Variants in CD300LF observed in about 807,000 individuals in gnomAD.
The protein encoded by CD300LF is CD300 molecule like family member f.
CD300LF carries 27 observed loss-of-function variants against 32.2 expected under a neutral mutation model. That is an observed-to-expected ratio of 0.84 (90% CI 0.62 to 1.15). The LOEUF is 1.15. CD300LF is among the 50% of genes most tolerant of loss of function. CD300LF has a pLI of 0.00. For synonymous variants in CD300LF, 139 were observed against 143.2 expected (o/e 0.97, Z 0.21); for missense variants, 348 against 356.8 (o/e 0.98, Z 0.20).
intron 1 of CD300LF, among the ~76,000 whole-genome samples, chr17:74,709,508 T>C (rs531989216): frequency 5.3e-5 from 8 of 152,316 alleles, no homozygotes; most frequent in African/African-American, 1.4e-4. Flanking sequence ...TTTTTGTACA[T>C]TTTATTTTCC....
rs952605670 is a variant in CD300LF, at chr17:74,712,845, G to A, written c.22C>T (p.Leu8=). 1.9e-6 allele frequency: 3 copies of A among 1,614,076 alleles called. No individual in the cohort carries two copies. Among genetic ancestry groups the A allele is most frequent in the Non-Finnish European group, 2.5e-6 (3 of 1,179,980 alleles). ...TCACCTGAGAGCCAGAAGAGGAGCA[G>A]GTAGAGTGTCAGCAGGGGCATCTTC... MPLLTLY[L]LLFWLSGYSI... Residue 8 remains leucine, a synonymous_variant, in exon 1 of 7, where the codon CTG becomes TTG. Coordinates refer to ENST00000326165, the MANE Select transcript of CD300LF (RefSeq NM_139018.5).
At chr17:74,696,652 G>A (rs189561361) in intron 4 of CD300LF, among the ~76,000 whole-genome samples, 176 of 152,220 alleles carry the variant, frequency 1.2e-3, no homozygotes, top group African/African-American at 3.8e-3. Flanking sequence ...TCCCCCTCCC[G>A]GGCCCCCGGG....
chr17:74,698,511 C>CCA, intron 3 of CD300LF, 30 bp from the exon 4 acceptor site: 2 of 1,589,322 alleles, frequency 1.3e-6, no homozygotes, highest in Non-Finnish European at 1.7e-6. Context: ...TCCCCTGCAT[C>CCA]CCAGGCTCAC....
At chr17:74,696,299 T>C (rs1357398040) in intron 4 of CD300LF, 82 bp from the exon 5 acceptor site, 2 of 1,459,284 alleles carry the variant, frequency 1.4e-6, no homozygotes, top group Non-Finnish European at 1.8e-6. Flanking sequence ...AAGAGAAATA[T>C]GGAAGAAAAG....
At position 74,709,438 on chromosome 17, in the gene CD300LF, G is replaced by A. The variant is rs1050012835; in HGVS notation, c.43+3386C>T. Among the ~76,000 whole-genome samples, 8 of 152,288 alleles carry A rather than the reference G, an allele frequency of 5.3e-5. No homozygotes were observed. The East Asian group carries it at 7.7e-4, about 15-fold the overall frequency. ...CCTCAGCAAGCACCACACTTAGTGC[G>A]AGACATTCATATGTACTTTATAATA... is the stretch of plus-strand genomic sequence containing the variant. On this transcript the variant is annotated intron_variant, in intron 1 of 6. Coordinates refer to ENST00000326165, the MANE Select transcript of CD300LF (RefSeq NM_139018.5).
At chr17:74,704,239 G>T (rs780104745) in intron 2 of CD300LF, 14 of 523,428 alleles carry the variant, frequency 2.7e-5, no homozygotes, top group Non-Finnish European at 4.8e-5. Context: ...ACTGAGCTGT[G>T]CAGAGGTAAA....
chr17:74,701,509 G>T (rs576885872), intron 3 of CD300LF, among the ~76,000 whole-genome samples: 27 of 152,266 alleles, frequency 1.8e-4, no homozygotes, highest in African/African-American at 6.5e-4. Flanking sequence ...AAAGCAGTTT[G>T]GTAGAAAATA....
intron 1 of CD300LF, among the ~76,000 whole-genome samples, chr17:74,706,669 AAAAACAAAAC>A (rs905552893): frequency 2.6e-5 from 4 of 152,282 alleles, no homozygotes; most frequent in African/African-American, 9.6e-5. Context: ...ACTCCATCTC[AAAAACAAAAC>A]AAAACAAAAC....
chr17:74,696,320 G>A, intron 4 of CD300LF, 103 bp from the exon 5 acceptor site: 3 of 1,279,430 alleles, frequency 2.3e-6, no homozygotes, highest in Non-Finnish European at 3.2e-6. Context: ...AGGTGAATTG[G>A]GTCCAGGCTC....
At chr17:74,710,488 C>CA (rs2033866726) in intron 1 of CD300LF, among the ~76,000 whole-genome samples, 1 of 152,106 alleles carries the variant, frequency 6.6e-6, no homozygotes, top group Non-Finnish European at 1.5e-5. Flanking sequence ...TAGAAAAGTG[C>CA]TCATTTACAT....
chr17:74,712,020 T>TCAGCCTC (rs1306066686), intron 1 of CD300LF, among the ~76,000 whole-genome samples: 3 of 150,698 alleles, frequency 2.0e-5, no homozygotes, highest in Non-Finnish European at 4.4e-5. Flanking sequence ...TCCTCATGCC[T>TCAGCCTC]CAGCCTCCAG....
rs771994989 is a variant in CD300LF at position 74,695,070 on chromosome 17, G to A, written c.*26C>T. The A allele has an allele frequency of 6.2e-7, 1 of 1,605,062 alleles. No individual in the cohort carries two copies. The highest frequency in any genetic ancestry group is 8.5e-7 in the Non-Finnish European group (1 of 1,175,258). On this transcript the variant is annotated 3_prime_UTR_variant, in exon 7 of 7. Coordinates refer to ENST00000326165, the MANE Select transcript of CD300LF (RefSeq NM_139018.5). ...GGCAGGAGTGTGCTCACAGCCTGGGGTCCAAGAAGGAGCCTGGAGTGCAGG... is the reference window on the plus strand; with the variant it reads ...GGCAGGAGTGTGCTCACAGCCTGGGATCCAAGAAGGAGCCTGGAGTGCAGG...
chr17:74,698,003 C>T (rs2032666386), intron 4 of CD300LF, among the ~76,000 whole-genome samples: 1 of 152,098 alleles, frequency 6.6e-6, no homozygotes, highest in African/African-American at 2.4e-5. Flanking sequence ...TCAGTACCTC[C>T]TTGACAACCA....
intron 2 of CD300LF, among the ~76,000 whole-genome samples, chr17:74,703,469 C>T (rs918144107): frequency 3.9e-5 from 6 of 152,184 alleles, no homozygotes; most frequent in African/African-American, 1.4e-4. Context: ...TCTCCACCCC[C>T]AGCCCTATTT....
chr17:74,698,660 T>C (rs902367675), intron 3 of CD300LF, 179 bp from the exon 4 acceptor site: 11 of 1,425,062 alleles, frequency 7.7e-6, no homozygotes, highest in African/African-American at 1.4e-5. Flanking sequence ...TGAGTACACA[T>C]AGACACAAAG....
intron 5 of CD300LF, 77 bp downstream of exon 5, chr17:74,696,118 C>A: frequency 6.5e-7 from 1 of 1,531,456 alleles, no homozygotes; most frequent in Non-Finnish European, 8.8e-7. Context: ...ATATTTTGGA[C>A]CTTCTGAGAG....
Position 74,704,751 on chromosome 17 carries a change from T to G in CD300LF, c.109A>C (p.Thr37Pro), listed in dbSNP as rs756965295. Residue 37 changes from threonine (T) to proline (P), a missense_variant, in exon 2 of 7, where the codon ACC becomes CCC. By Grantham distance (38) the Thr-to-Pro change is conservative. Coordinates refer to ENST00000326165, the MANE Select transcript of CD300LF (RefSeq NM_139018.5). ...TVNGLERGSL[T>P]VQCVYRSGWE... ...CCTGATCTGTAAACACACTGCACGGTCAAGGAGCCCCGCTCCAAGCCATTC... is the reference window on the plus strand; with the variant it reads ...CCTGATCTGTAAACACACTGCACGGGCAAGGAGCCCCGCTCCAAGCCATTC... 6 of 1,614,094 alleles carry G rather than the reference T, an allele frequency of 3.7e-6. No homozygotes were observed. In the South Asian group the frequency reaches 6.6e-5, roughly 18 times the overall value.
In CD300LF at chr17:74,695,830, G is replaced by T; in HGVS notation, c.612C>A (p.Cys204Ter). 6.2e-7 allele frequency: 1 copy of T among 1,614,090 alleles called. No homozygotes were observed. The highest frequency in any genetic ancestry group is 8.5e-7 in the Non-Finnish European group (1 of 1,179,994). Reference sequence around the variant, plus strand: ...CCAGCTGCAGGGTCAGGTCTGCATAGCAGAGGTCGCCCTCCAGGGGCTGCA... The same window carrying T: ...CCAGCTGCAGGGTCAGGTCTGCATATCAGAGGTCGCCCTCCAGGGGCTGCA... ...QVLQPLEGDL[C>*]YADLTLQLAG... The change falls in exon 6 of 7, where the codon TGC (cysteine) becomes TGA (stop). Residue 204 changes from cysteine to a stop codon, truncating the protein, a stop_gained. Coordinates refer to ENST00000326165, the MANE Select transcript of CD300LF (RefSeq NM_139018.5). LOFTEE classifies it high-confidence loss of function.
chr17:74,706,399 T>A (rs1598265599), intron 1 of CD300LF, among the ~76,000 whole-genome samples: 1 of 142,928 alleles, frequency 7.0e-6, no homozygotes. Flanking sequence ...CTTTCAAAGG[T>A]GAGAATATGA....
Sources: allele counts gnomAD v4.1 joint callset (sites outside exome capture counted in the v4.1 genomes callset), GRCh38; gene constraint gnomAD v4.1.1; transcripts MANE v1.5; gene names NCBI Gene and HGNC (gene_info 2026-07-23, HGNC 2026-07-21).